Variants in RASD2 observed in about 807,000 individuals in gnomAD.
RASD2 encodes the protein GTP-binding protein Rhes.
In RASD2, 7 loss-of-function variants were observed where a neutral mutation model predicts 15.8. The observed-to-expected ratio is 0.44, with a 90% CI of 0.25 to 0.83. The LOEUF is 0.83. RASD2 is among the 40% of genes least tolerant of loss of function. RASD2 has a pLI of 0.20. For missense variants in RASD2, 274 were observed against 382.8 expected (o/e 0.72, Z 2.37); for synonymous variants, 155 against 153.6 (o/e 1.01, Z -0.07).
At chr22:35,550,135 C>T (rs934806604) in intron 2 of RASD2, among the ~76,000 whole-genome samples, 9 of 152,204 alleles carry the variant, frequency 5.9e-5, no homozygotes, top group Non-Finnish European at 1.0e-4. Flanking sequence ...TGGTGATGGG[C>T]ACCTGTAATC....
chr22:35,543,368 T>C (rs1934402161), intron 1 of RASD2, among the ~76,000 whole-genome samples: 1 of 152,120 alleles, frequency 6.6e-6, no homozygotes, highest in Admixed American at 6.5e-5. Flanking sequence ...GATTCCTTAC[T>C]TCCCCTCTCT....
intron 2 of RASD2, among the ~76,000 whole-genome samples, chr22:35,549,311 A>G (rs1364523251): frequency 6.6e-6 from 1 of 151,860 alleles, no homozygotes; most frequent in Non-Finnish European, 1.5e-5. Flanking sequence ...CAGCTGTCTG[A>G]TGCTTGTTTT....
intron 1 of RASD2, among the ~76,000 whole-genome samples, chr22:35,542,165 G>C (rs1934366287): frequency 6.6e-6 from 1 of 152,176 alleles, no homozygotes; most frequent in African/African-American, 2.4e-5. Flanking sequence ...GGGAAGCCAG[G>C]CTGGGAGGGA....
chr22:35,534,821 C>G, the RASD2 span, among the ~76,000 whole-genome samples: 8 of 152,168 alleles, frequency 5.3e-5, no homozygotes, highest in African/African-American at 1.9e-4. Context: ...GGGAAAGGAA[C>G]CTTTCTTTTA....
chr22:35,550,440 CAAAAAA>C (rs397838574), intron 2 of RASD2, among the ~76,000 whole-genome samples: 2 of 64,252 alleles, frequency 3.1e-5, no homozygotes, highest in African/African-American at 1.2e-4. Flanking sequence ...GACTCCATCT[CAAAAAA>C]AAAAAAAAAA....
chr22:35,532,809 C>T, the RASD2 span, among the ~76,000 whole-genome samples: 2 of 152,114 alleles, frequency 1.3e-5, no homozygotes, highest in East Asian at 1.9e-4. Context: ...TCCGGAGGGT[C>T]GTGCTAATTC....
In RASD2 at chr22:35,551,954, C is replaced by T; in HGVS notation, c.723C>T (p.Asn241=). 1 of 1,605,432 alleles carries T rather than the reference C, an allele frequency of 6.2e-7. No individual in the cohort carries two copies. The highest frequency in any genetic ancestry group is 8.5e-7 in the Non-Finnish European group (1 of 1,179,996). ...VSPFARRPSV[N]SDLKYIKAKV... is the part of the protein sequence containing the mutation. ...CCTTCGCCCGCCGCCCCAGCGTCAA[C>T]AGTGACCTCAAGTACATCAAGGCCA... Residue 241 remains asparagine, a synonymous_variant, in exon 3 of 3, where the codon AAC becomes AAT. Transcript: ENST00000216127. This position sits in a 1 kb window ranked among gnomAD's most constrained non-coding sequence, Gnocchi z 4.9.
upstream of RASD2, among the ~76,000 whole-genome samples, chr22:35,540,329 G>T (rs986317437): frequency 6.6e-6 from 1 of 150,956 alleles, no homozygotes; most frequent in Non-Finnish European, 1.5e-5. Context: ...CGCGCCCAGC[G>T]GCCCCGGCCC....
At chr22:35,541,637 G>A (rs1934350750) in intron 1 of RASD2, 137 bp downstream of exon 1, 1 of 152,274 alleles carries the variant, frequency 6.6e-6, no homozygotes, top group Admixed American at 6.5e-5. Context: ...CACCTACTAT[G>A]TGCCGGGATC....
At chr22:35,544,815 T>C (rs569429929) in intron 1 of RASD2, among the ~76,000 whole-genome samples, 14 of 152,342 alleles carry the variant, frequency 9.2e-5, no homozygotes, top group African/African-American at 3.1e-4. Flanking sequence ...TTTCCTCATC[T>C]GTAAATTGGA....
upstream of RASD2, among the ~76,000 whole-genome samples, chr22:35,536,094 G>A (rs77744369): frequency 9.3e-3 from 1,415 of 152,324 alleles, 15 homozygotes; most frequent in African/African-American, 0.03. Context: ...AGCCTGTTCC[G>A]GCTATCTGCC....
chr22:35,544,552 C>T (rs1005574357), intron 1 of RASD2, among the ~76,000 whole-genome samples: 4 of 152,328 alleles, frequency 2.6e-5, no homozygotes, highest in Admixed American at 2.0e-4. Context: ...AATGCACAGA[C>T]CCTTTATTGA....
rs966793785 is a variant in RASD2 at position 35,551,755 on chromosome 22, A to G, written c.524A>G (p.Lys175Arg). The change falls in exon 3 of 3, where the codon AAG becomes AGG. Residue 175 changes from lysine (K) to arginine (R), a missense_variant. Coordinates refer to ENST00000216127, the MANE Select transcript of RASD2 (RefSeq NM_014310.4). The surrounding 1 kb of genome is among the most constrained non-coding windows in gnomAD (Gnocchi z 4.9). Reference protein sequence around the residue: ...NCAYFEVSAKKNTNVDEMFYV... With the variant: ...NCAYFEVSAKRNTNVDEMFYV... ...GCCTACTTCGAGGTGTCGGCCAAGA[A>G]GAACACCAACGTGGACGAGATGTTC... 6.2e-7 allele frequency: 1 copy of G among 1,613,972 alleles called. No homozygotes were observed. Among genetic ancestry groups the G allele is most frequent in the Non-Finnish European group, 8.5e-7 (1 of 1,180,000 alleles).
At chr22:35,540,615 C>G (rs907980268), upstream of RASD2, among the ~76,000 whole-genome samples, 6 of 152,112 alleles carry the variant, frequency 3.9e-5, no homozygotes, top group African/African-American at 1.4e-4. Flanking sequence ...GGGGTTCTGC[C>G]ACCTTTCGGA....
upstream of RASD2, among the ~76,000 whole-genome samples, chr22:35,538,751 C>T (rs1934281872): frequency 6.6e-6 from 1 of 152,302 alleles, no homozygotes; most frequent in African/African-American, 2.4e-5. Flanking sequence ...GCTACATTTC[C>T]GTGATGGAGG....
rs774982654 is a variant in RASD2 at position 35,551,877 on chromosome 22, C to A, written c.646C>A (p.Pro216Thr). Residue 216 changes from proline to threonine, a missense_variant, in exon 3 of 3, where the codon CCC becomes ACC. Coordinates refer to ENST00000216127, the MANE Select transcript of RASD2 (RefSeq NM_014310.4). The surrounding 1 kb of genome is among the most constrained non-coding windows in gnomAD (Gnocchi z 4.9). ...GTACGGTGACGCCTTCCACCCCAGG[C>A]CCTTCTGCATGCGCCGCGTCAAGGA... is the stretch of plus-strand genomic sequence containing the variant. ...VQYGDAFHPR[P>T]FCMRRVKEMD... The A allele has an allele frequency of 6.2e-7, 1 of 1,613,774 alleles. No homozygotes were observed. The highest frequency in any genetic ancestry group is 1.6e-4 in the Middle Eastern group (1 of 6,084).
rs777170657 is a variant in RASD2 at position 35,546,804 on chromosome 22, C to T, written c.-6C>T. ...TGCTTCTCTCGCTTTGTTGCAGCCC[C>T]GAGCCATGATGAAGACTTTGTCCAG... On this transcript the variant is annotated 5_prime_UTR_variant, in exon 2 of 3. Transcript: ENST00000216127. The T allele has an allele frequency of 7.4e-6, 12 of 1,611,976 alleles. No individual in the cohort carries two copies. Among genetic ancestry groups the T allele is most frequent in the African/African-American group, 2.7e-5 (2 of 74,828 alleles).
chr22:35,536,108 T>C (rs957291236), upstream of RASD2, among the ~76,000 whole-genome samples: 1 of 152,230 alleles, frequency 6.6e-6, no homozygotes, highest in African/African-American at 2.4e-5. Context: ...ATCTGCCCTC[T>C]GTACTGACTG....
chr22:35,552,118 CCG>C lies in RASD2; in HGVS notation c.*87_*88del, dbSNP rs1188708893. ...CTGTGCGCATCTCCCCACCGAGGCC[CCG>C]GCAGCAGTCTTGTTCACAGACCTTA... On this transcript the variant is annotated 3_prime_UTR_variant, in exon 3 of 3. Coordinates refer to ENST00000216127, the MANE Select transcript of RASD2 (RefSeq NM_014310.4). 1 of 1,474,234 alleles carries C rather than the reference CCG, an allele frequency of 6.8e-7. No homozygotes were observed. The highest frequency in any genetic ancestry group is 1.4e-5 in the African/African-American group (1 of 71,764). The allele number at this position is 1,474,234 out of a possible 1,614,324, so 91.3% of individuals were successfully genotyped here.
Sources: allele counts gnomAD v4.1 joint callset (sites outside exome capture counted in the v4.1 genomes callset), GRCh38; gene constraint gnomAD v4.1.1; non-coding constraint Gnocchi (gnomAD v3.1); transcripts MANE v1.5; gene names NCBI Gene and HGNC (gene_info 2026-07-23, HGNC 2026-07-21).